CACNA2D2: variants seen among roughly 807,000 people sequenced by gnomAD.
CACNA2D2 encodes calcium voltage-gated channel auxiliary subunit alpha2delta 2.
In CACNA2D2, 48 loss-of-function variants were observed where a neutral mutation model predicts 166.4. The observed-to-expected ratio is 0.29, with a 90% confidence interval of 0.23 to 0.37. CACNA2D2 has a LOEUF of 0.37. CACNA2D2 is among the 10% of genes least tolerant of loss of function. The pLI is 1.00. For synonymous variants in CACNA2D2, 561 were observed against 573.7 expected (o/e 0.98, Z 0.32); for missense variants, 1,122 against 1,433.0 (o/e 0.78, Z 3.50).
At chr3:50,382,126 G>A (rs1329388237) in intron 6 of CACNA2D2, among the ~76,000 whole-genome samples, 3 of 152,130 alleles carry the variant, frequency 2.0e-5, no homozygotes, top group African/African-American at 4.8e-5. Context: ...AACTCGGGGC[G>A]GCCTGATGTG....
chr3:50,380,195 A>C lies in CACNA2D2; in HGVS notation c.843-177T>G, dbSNP rs1429814438. ...GAAACAGACACAGTCCTTGCCCATG[A>C]CATGAATGGTCTGGTTCCTCAGCAA... On this transcript the variant is annotated intron_variant, in intron 8 of 37. Transcript: ENST00000424201. This position sits in a 1 kb window ranked among gnomAD's most constrained non-coding sequence, Gnocchi z 4.9. 6.6e-6 allele frequency among the ~76,000 whole-genome samples: 1 copy of C among 152,234 alleles called. No homozygotes were observed. Among genetic ancestry groups the C allele is most frequent in the Non-Finnish European group, 1.5e-5 (1 of 68,040 alleles).
chr3:50,412,867 CA>C (rs1220832794), intron 3 of CACNA2D2, among the ~76,000 whole-genome samples: 1 of 152,102 alleles, frequency 6.6e-6, no homozygotes, highest in Admixed American at 6.5e-5. Context: ...GACTCATGGT[CA>C]GAGATGTCTG....
chr3:50,367,917 GA>G lies in CACNA2D2; in HGVS notation c.2144-16del. The G allele has an allele frequency of 4.7e-6, 7 of 1,479,654 alleles. No homozygotes were observed. The highest frequency in any genetic ancestry group is 4.7e-6 in the Non-Finnish European group (5 of 1,064,952). The allele number at this position is 1,479,654 out of a possible 1,614,324, so 91.7% of individuals were successfully genotyped here. A position where few individuals can be genotyped will look rare whatever the true frequency, so the allele number is the denominator to read the frequency against. ...GAAGTTGTTGCCTGGAACAGGAGGG[GA>G]GGGGTGGGGGTGGGGGCATCTTCTT... On this transcript the variant is annotated splice_polypyrimidine_tract_variant and intron_variant, in intron 24 of 37. Coordinates refer to ENST00000424201, the MANE Select transcript of CACNA2D2 (RefSeq NM_006030.4). This position sits in a 1 kb window ranked among gnomAD's most constrained non-coding sequence, Gnocchi z 6.5.
chr3:50,393,267 C>G (rs867319927), intron 4 of CACNA2D2, among the ~76,000 whole-genome samples: 1 of 152,324 alleles, frequency 6.6e-6, no homozygotes, highest in African/African-American at 2.4e-5. Context: ...CTGCTCCTCC[C>G]TGTGTTTAGC....
rs984029311 is a variant in CACNA2D2 at position 50,477,680 on chromosome 3, C to G, written c.207-1481G>C. 2.0e-5 allele frequency among the ~76,000 whole-genome samples: 3 copies of G among 152,322 alleles called. No individual in the cohort carries two copies. The South Asian group carries it at 6.2e-4, about 32-fold the overall frequency. On this transcript the variant is annotated intron_variant, in intron 1 of 37. Transcript: ENST00000424201. Reference sequence around the variant, plus strand: ...CCAGGAAGGGCGCACAAAAAAGTTACCATGAAGATTTAAATAAGCCATGGG... The same window carrying G: ...CCAGGAAGGGCGCACAAAAAAGTTAGCATGAAGATTTAAATAAGCCATGGG...
intron 3 of CACNA2D2, among the ~76,000 whole-genome samples, chr3:50,422,884 C>T (rs781347277): frequency 1.1e-4 from 17 of 152,214 alleles, no homozygotes; most frequent in Non-Finnish European, 2.2e-4. Flanking sequence ...GGTCTTATTT[C>T]AGAAGTAAAC....
chr3:50,394,985 C>T (rs1442956260), intron 3 of CACNA2D2, among the ~76,000 whole-genome samples: 4 of 152,166 alleles, frequency 2.6e-5, no homozygotes, highest in Non-Finnish European at 5.9e-5. Context: ...CGCTGGGGCC[C>T]GGCCACCCTC....
intron 3 of CACNA2D2, among the ~76,000 whole-genome samples, chr3:50,429,018 C>A (rs1707933413): frequency 6.6e-6 from 1 of 151,722 alleles, no homozygotes; most frequent in Non-Finnish European, 1.5e-5. Context: ...TTGCCTGAGC[C>A]CAGGAGTTCG....
At chr3:50,451,281 A>G (rs1421616711) in intron 2 of CACNA2D2, among the ~76,000 whole-genome samples, 1 of 152,050 alleles carries the variant, frequency 6.6e-6, no homozygotes, top group Non-Finnish European at 1.5e-5. Flanking sequence ...GTGCGCCACC[A>G]TGCCCAGCTA....
intron 6 of CACNA2D2, among the ~76,000 whole-genome samples, chr3:50,381,529 C>G (rs1479771717): frequency 6.6e-6 from 1 of 151,386 alleles, no homozygotes; most frequent in African/African-American, 2.4e-5. Context: ...GCTTCAGCCA[C>G]AAGAAAGCAA....
intron 2 of CACNA2D2, among the ~76,000 whole-genome samples, chr3:50,441,216 T>G (rs947939088): frequency 6.6e-6 from 1 of 152,018 alleles, no homozygotes; most frequent in Non-Finnish European, 1.5e-5. Context: ...AGGCAACTTC[T>G]AGGAGCTTTC....
In CACNA2D2 at chr3:50,365,165, G is replaced by C. The variant is rs1192456973; in HGVS notation, c.3118C>G (p.Leu1040Val). 1 of 1,612,200 alleles carries C rather than the reference G, an allele frequency of 6.2e-7. No individual in the cohort carries two copies. The highest frequency in any genetic ancestry group is 1.7e-5 in the Admixed American group (1 of 60,010). The change falls in exon 36 of 38, where the codon CTG becomes GTG. Residue 1040 changes from leucine to valine, a missense_variant. Leu to Val is a conservative substitution (Grantham distance 32). Around this residue, in one of 2 missense-constraint regions of CACNA2D2, gnomAD observed 282 missense variants for 266.2 expected, o/e 1.06. Transcript: ENST00000424201. This position sits in a 1 kb window ranked among gnomAD's most constrained non-coding sequence, Gnocchi z 4.5. ...ACAAAGAGAAGATTGGTGTTGGTCA[G>C]TCTCTGCGCGTGGAACAGCCTGCGG... ...NCSRLFHAQR[L>V]TNTNLLFVVA...
intron 1 of CACNA2D2, among the ~76,000 whole-genome samples, chr3:50,490,033 T>G (rs1456298178): frequency 6.6e-6 from 1 of 151,646 alleles, no homozygotes; most frequent in East Asian, 1.9e-4. Context: ...TGGATTCAGG[T>G]GGGGAAGGGA....
chr3:50,383,377 G>A (rs1299412391), intron 6 of CACNA2D2, among the ~76,000 whole-genome samples: 8 of 152,176 alleles, frequency 5.3e-5, no homozygotes, highest in Admixed American at 4.6e-4. Context: ...AGCCCAGTGG[G>A]CTCCTTGGAT....
rs1704950071 is a variant in CACNA2D2 at position 50,375,847 on chromosome 3, G to A, written c.1807C>T (p.His603Tyr). 2 of 1,612,904 alleles carry A rather than the reference G, an allele frequency of 1.2e-6. No homozygotes were observed. The highest frequency in any genetic ancestry group is 1.7e-6 in the Non-Finnish European group (2 of 1,180,008). Residue 603 changes from histidine to tyrosine, a missense_variant, in exon 20 of 38, where the codon CAC becomes TAC. Physicochemically the swap from His to Tyr is moderately conservative, Grantham distance 83. Transcript: ENST00000424201. The surrounding 1 kb of genome is among the most constrained non-coding windows in gnomAD (Gnocchi z 4.0). ...RRSMIDGNKG[H>Y]KQIRTLVKSL... ...TTGACCAACGTTCTGATCTGCTTGT[G>A]GCCCTTGTTGCCATCAATCATGCTC...
At chr3:50,374,645 C>T in intron 22 of CACNA2D2, 92 bp downstream of exon 22, 1 of 1,443,612 alleles carries the variant, frequency 6.9e-7, no homozygotes, top group Non-Finnish European at 9.5e-7. Context: ...GACTGCCTCG[C>T]CGGCAAGCGG....
chr3:50,471,573 C>A (rs909840898), intron 2 of CACNA2D2, among the ~76,000 whole-genome samples: 1 of 152,218 alleles, frequency 6.6e-6, no homozygotes, highest in Non-Finnish European at 1.5e-5. Flanking sequence ...TAGATGGTAA[C>A]AGAGCTCAGC....
rs1704034217 is a variant in CACNA2D2, at chr3:50,363,421, A to C, written c.*1245T>G. ...CCCCAGGCTGGGATGCCTTTGGGGG[A>C]AATGACCAGAATGAATGGTGTGAAG... On this transcript the variant is annotated 3_prime_UTR_variant, in exon 38 of 38. Coordinates refer to ENST00000424201, the MANE Select transcript of CACNA2D2 (RefSeq NM_006030.4). The C allele has an allele frequency of 2.5e-6, 1 of 396,600 alleles. No individual in the cohort carries two copies. Among genetic ancestry groups the C allele is most frequent in the African/African-American group, 2.1e-5 (1 of 48,448 alleles). The allele number at this position is 396,600 out of a possible 1,614,324, so 24.6% of individuals were successfully genotyped here.
intron 3 of CACNA2D2, among the ~76,000 whole-genome samples, chr3:50,424,826 G>A (rs1473721765): frequency 6.6e-6 from 1 of 152,118 alleles, no homozygotes; most frequent in Admixed American, 6.5e-5. Flanking sequence ...CCCTGCCCGG[G>A]TCACCATGGC....
Sources: gnomAD v4.1 joint callset for allele counts (sites outside exome capture counted in the v4.1 genomes callset) on GRCh38, gnomAD v4.1.1 for gene constraint, gnomAD v4.1.1 regional missense constraint, Gnocchi (gnomAD v3.1) non-coding constraint, MANE v1.5 for transcripts, NCBI Gene and HGNC (gene_info 2026-07-23, HGNC 2026-07-21) for gene names.